The following ANKRD22 variants were observed in gnomAD, a reference collection of about 807,000 sequenced individuals.
ANKRD22 encodes ankyrin repeat domain 22, also known as ankyrin repeat domain-containing protein 22.
Under a neutral mutation model 25.7 loss-of-function variants are expected in ANKRD22, and 24 were observed. That is an observed-to-expected ratio of 0.93 (90% confidence interval 0.68 to 1.31). The LOEUF (loss-of-function observed/expected upper bound fraction) is 1.31, where lower values mean the gene tolerates loss of function less well. Among genes scored for constraint, ANKRD22 ranks in the 50% most tolerant of loss-of-function variants. ANKRD22 has a pLI of 0.00. For synonymous variants in ANKRD22, 84 were observed against 84.3 expected (o/e 1.00, Z 0.02); for missense variants, 214 against 227.1 (o/e 0.94, Z 0.37).
intron 4 of ANKRD22, among the ~76,000 whole-genome samples, chr10:88,823,966 G>A (rs2133068844): frequency 6.6e-6 from 1 of 151,988 alleles, no homozygotes; most frequent in Middle Eastern, 3.4e-3. Flanking sequence ...GCTGAATTGT[G>A]CCAAAGTTTC....
At chr10:88,835,886 T>C (rs1190226462) in intron 1 of ANKRD22, among the ~76,000 whole-genome samples, 1 of 152,110 alleles carries the variant, frequency 6.6e-6, no homozygotes, top group East Asian at 1.9e-4. Context: ...AAGCCAGGTA[T>C]GAAAAAGAGA....
chr10:88,843,808 T>C (rs1844024559), intron 1 of ANKRD22, among the ~76,000 whole-genome samples: 1 of 152,164 alleles, frequency 6.6e-6, no homozygotes, highest in South Asian at 2.1e-4. Flanking sequence ...GTTTTATTCT[T>C]ACATTCTTGT....
At chr10:88,845,620 T>A (rs1239554987) in intron 1 of ANKRD22, among the ~76,000 whole-genome samples, 1 of 152,104 alleles carries the variant, frequency 6.6e-6, no homozygotes, top group African/African-American at 2.4e-5. Context: ...AGTATCAACT[T>A]TAATTTCTTA....
At chr10:88,845,879 T>C (rs553302984) in intron 1 of ANKRD22, among the ~76,000 whole-genome samples, 32 of 152,124 alleles carry the variant, frequency 2.1e-4, no homozygotes, top group Non-Finnish European at 3.8e-4. Context: ...CATTGTGTTT[T>C]GCATAAAATC....
intron 1 of ANKRD22, among the ~76,000 whole-genome samples, chr10:88,847,658 CT>C (rs71022546): frequency 0.41 from 62,824 of 151,446 alleles, 14,149 homozygotes; most frequent in African/African-American, 0.61. Flanking sequence ...TAAATGCTTC[CT>C]TTTTTTTTCT....
In ANKRD22 at chr10:88,821,680, A is replaced by G. The variant is rs1843797038; in HGVS notation, c.*1261T>C. 6.6e-6 allele frequency among the ~76,000 whole-genome samples: 1 copy of G among 152,192 alleles called. No homozygotes were observed. Among genetic ancestry groups the G allele is most frequent in the African/African-American group, 2.4e-5 (1 of 41,458 alleles). On this transcript the variant is annotated 3_prime_UTR_variant, in exon 6 of 6. Coordinates refer to ENST00000371930, the MANE Select transcript of ANKRD22 (RefSeq NM_144590.3). ...TTAAATCCTGTACACAGTTGAATAT[A>G]TATTGCTGGATTTGATTTTCATTAG...
Position 88,851,647 on chromosome 10 carries a change from T to G in ANKRD22, c.-40A>C. 3 of 1,608,032 alleles carry G rather than the reference T, an allele frequency of 1.9e-6. No individual in the cohort carries two copies. Among genetic ancestry groups the G allele is most frequent in the Non-Finnish European group, 2.6e-6 (3 of 1,174,912 alleles). ...GGCTTACTTCACCTCTACAGCTCCT[T>G]GAATCTTCTGGAGGTATTTCTGATG... On this transcript the variant is annotated 5_prime_UTR_variant, in exon 1 of 6. Coordinates refer to ENST00000371930, the MANE Select transcript of ANKRD22 (RefSeq NM_144590.3).
chr10:88,850,480 C>T (rs576761490), intron 1 of ANKRD22, among the ~76,000 whole-genome samples: 1 of 152,218 alleles, frequency 6.6e-6, no homozygotes, highest in African/African-American at 2.4e-5. Flanking sequence ...CAGATCACCC[C>T]TATGTCAGAA....
rs971187104 is a variant in ANKRD22 at position 88,820,186 on chromosome 10, A to G, written c.*2755T>C. The G allele has an allele frequency of 2.7e-6, 4 of 1,459,244 alleles. No individual in the cohort carries two copies. The Admixed American group carries it at 8.8e-5, about 32-fold the overall frequency. 90.4% of individuals were successfully genotyped at this position (1,459,244 alleles called of 1,614,324 possible). On this transcript the variant is annotated 3_prime_UTR_variant, in exon 6 of 6. Transcript: ENST00000371930. ...ATTTGAAACATAAATTATGAGCCTG[A>G]AAGTCCAAATGTTACCTAGAGTTAA...
At chr10:88,825,298 A>C (rs1390931829) in intron 4 of ANKRD22, among the ~76,000 whole-genome samples, 3 of 152,256 alleles carry the variant, frequency 2.0e-5, no homozygotes, top group African/African-American at 7.2e-5. Flanking sequence ...AACACCATAG[A>C]AATAAACTTT....
At position 88,821,946 on chromosome 10, in the gene ANKRD22, T is replaced by C. The variant is rs574925885; in HGVS notation, c.*995A>G. On this transcript the variant is annotated 3_prime_UTR_variant, in exon 6 of 6. Coordinates refer to ENST00000371930, the MANE Select transcript of ANKRD22 (RefSeq NM_144590.3). The stretch of plus-strand genomic sequence containing the variant: ...TCCAGATCCTACCTCATTGTATAGC[T>C]CTGTTTCTTTTGAAGAACTTTATCC... Among the ~76,000 whole-genome samples, 8 of 152,392 alleles carry C rather than the reference T, an allele frequency of 5.2e-5. No individual in the cohort carries two copies. Among genetic ancestry groups the C allele is most frequent in the African/African-American group, 1.9e-4 (8 of 41,602 alleles).
intron 2 of ANKRD22, among the ~76,000 whole-genome samples, chr10:88,831,098 A>G (rs1235732941): frequency 2.0e-5 from 3 of 152,226 alleles, no homozygotes; most frequent in African/African-American, 4.8e-5. Context: ...TTGAATGCAT[A>G]TAAGTGGGTA....
chr10:88,828,720 A>G, intron 2 of ANKRD22, 54 bp from the exon 3 acceptor site: 1 of 1,321,520 alleles, frequency 7.6e-7, no homozygotes, highest in East Asian at 2.3e-5. Context: ...TTCAAAATTT[A>G]TTCAGATGGC....
intron 1 of ANKRD22, among the ~76,000 whole-genome samples, chr10:88,845,041 G>A (rs1844035203): frequency 6.7e-6 from 1 of 149,282 alleles, no homozygotes; most frequent in Admixed American, 6.7e-5. Context: ...GGCACAAGCT[G>A]TTTTTGTCTT....
chr10:88,823,141 G>C, intron 5 of ANKRD22, 123 bp from the exon 6 acceptor site: 1 of 1,232,476 alleles, frequency 8.1e-7, no homozygotes, highest in Non-Finnish European at 1.2e-6. Context: ...AATAGTAATA[G>C]GATAACTTCA....
In ANKRD22 at chr10:88,822,812, A is replaced by G; in HGVS notation, c.*129T>C. The G allele has an allele frequency of 1.3e-6, 1 of 790,690 alleles. No homozygotes were observed. The highest frequency in any genetic ancestry group is 2.1e-6 in the Non-Finnish European group (1 of 474,494). The allele number at this position is 790,690 out of a possible 1,614,324, so 49.0% of individuals were successfully genotyped here. The stretch of plus-strand genomic sequence containing the variant: ...AAAAAGCTCTTCCAAAACATTAACC[A>G]TGGTAAGCATCATTATCCCCATAAA... On this transcript the variant is annotated 3_prime_UTR_variant, in exon 6 of 6. Coordinates refer to ENST00000371930, the MANE Select transcript of ANKRD22 (RefSeq NM_144590.3).
At chr10:88,847,157 TG>T (rs1288709040) in intron 1 of ANKRD22, among the ~76,000 whole-genome samples, 2 of 152,204 alleles carry the variant, frequency 1.3e-5, no homozygotes, top group East Asian at 1.9e-4. Flanking sequence ...CTTTGTGGAA[TG>T]TTTTTTTACA....
intron 1 of ANKRD22, among the ~76,000 whole-genome samples, chr10:88,832,745 T>C (rs1407729467): frequency 2.0e-5 from 3 of 152,180 alleles, no homozygotes; most frequent in Non-Finnish European, 4.4e-5. Context: ...AAAAGCATTA[T>C]ACAGAGCTTC....
At chr10:88,851,442 G>A (rs1024884740) in intron 1 of ANKRD22, 145 bp downstream of exon 1, 2 of 757,136 alleles carry the variant, frequency 2.6e-6, no homozygotes, top group Non-Finnish European at 2.2e-6. Context: ...ATAACACATA[G>A]GACTTTATTT....
Sources: gnomAD v4.1 joint callset for allele counts (sites outside exome capture counted in the v4.1 genomes callset) on GRCh38, gnomAD v4.1.1 for gene constraint, MANE v1.5 for transcripts, NCBI Gene and HGNC (gene_info 2026-07-23, HGNC 2026-07-21) for gene names.